Variants in RSRC1 observed in about 807,000 individuals in gnomAD.
RSRC1 encodes the protein arginine and serine rich coiled-coil 1, also known as serine/Arginine-related protein 53.
A neutral mutation model predicts 49.1 loss-of-function variants in RSRC1; 39 were observed. That is an observed-to-expected ratio of 0.79 (90% CI 0.61 to 1.04). The LOEUF (loss-of-function observed/expected upper bound fraction) is 1.04, where lower values mean the gene tolerates loss of function less well. Ranked by LOEUF, RSRC1 falls within the 50% of genes least tolerant of loss-of-function variation. The pLI, the probability that RSRC1 is intolerant of heterozygous loss-of-function variation, is 0.00. For synonymous variants in RSRC1, 143 were observed against 130.8 expected (o/e 1.09, Z -0.63); for missense variants, 388 against 402.4 (o/e 0.96, Z 0.31).
intron 6 of RSRC1, among the ~76,000 whole-genome samples, chr3:158,363,554 C>T (rs754452481): frequency 6.6e-6 from 1 of 152,148 alleles, no homozygotes; most frequent in African/African-American, 2.4e-5. Flanking sequence ...CGTGAGCCAC[C>T]ATGCCCAGCC....
intron 3 of RSRC1, among the ~76,000 whole-genome samples, chr3:158,165,143 A>C (rs1315992296): frequency 6.6e-6 from 1 of 152,222 alleles, no homozygotes; most frequent in African/African-American, 2.4e-5. Context: ...AAAGATATTC[A>C]TCTTAATGAA....
At position 158,406,223 on chromosome 3, in the gene RSRC1, T is replaced by C. The variant is rs141423229; in HGVS notation, c.583+51315T>C. Among the ~76,000 whole-genome samples, 21 of 152,258 alleles carry C rather than the reference T, an allele frequency of 1.4e-4. No individual in the cohort carries two copies. The East Asian group carries it at 4.0e-3, about 29-fold the overall frequency. Reference sequence around the variant, plus strand: ...TTATAAAATTATTTTCTTAAAATGTTCTCACAATTTTTTAACTACTTGAGA... The same window carrying C: ...TTATAAAATTATTTTCTTAAAATGTCCTCACAATTTTTTAACTACTTGAGA... On this transcript the variant is annotated intron_variant, in intron 6 of 9. Transcript: ENST00000611884.
intron 3 of RSRC1, among the ~76,000 whole-genome samples, chr3:158,177,575 A>G (rs1719304609): frequency 6.6e-6 from 1 of 151,432 alleles, no homozygotes; most frequent in Admixed American, 6.6e-5. Flanking sequence ...TCTCACTCAT[A>G]GTTGGAATTG....
intron 4 of RSRC1, among the ~76,000 whole-genome samples, chr3:158,258,002 G>T (rs902926959): frequency 6.6e-6 from 1 of 151,976 alleles, no homozygotes; most frequent in Non-Finnish European, 1.5e-5. Context: ...TTTACTGTCT[G>T]TGAGTTGGAA....
intron 4 of RSRC1, among the ~76,000 whole-genome samples, chr3:158,211,839 T>C (rs1373132658): frequency 1.3e-5 from 2 of 151,942 alleles, no homozygotes; most frequent in Non-Finnish European, 2.9e-5. Context: ...TTATTTTTTA[T>C]TGATAAAACA....
At chr3:158,446,284 G>T (rs1186594395) in intron 6 of RSRC1, among the ~76,000 whole-genome samples, 8 of 151,310 alleles carry the variant, frequency 5.3e-5, no homozygotes, top group African/African-American at 1.2e-4. Flanking sequence ...TTGTTGCAAG[G>T]TTTTTTTTGT....
At chr3:158,361,847 T>C (rs558385150) in intron 6 of RSRC1, among the ~76,000 whole-genome samples, 1 of 152,240 alleles carries the variant, frequency 6.6e-6, no homozygotes, top group Non-Finnish European at 1.5e-5. Context: ...ACTCCAAGGC[T>C]CTTCTAAAAC....
rs1285795162 is a variant in RSRC1 at position 158,543,373 on chromosome 3, A to G, written c.798A>G (p.Thr266=). The G allele has an allele frequency of 6.3e-7, 1 of 1,596,270 alleles. No individual in the cohort carries two copies. The highest frequency in any genetic ancestry group is 8.5e-7 in the Non-Finnish European group (1 of 1,173,234). Reference sequence around the variant, plus strand: ...GTGAAGTGAAACAAGCAACTTCAACATCAGGACCAGCATCAGCAGTTGCTG... The same window carrying G: ...GTGAAGTGAAACAAGCAACTTCAACGTCAGGACCAGCATCAGCAGTTGCTG... The part of the protein sequence containing the change: ...EPSEVKQATS[T]SGPASAVADP... The change falls in exon 9 of 10, where the codon ACA becomes ACG. Residue 266 remains threonine (T), a synonymous_variant. Transcript: ENST00000611884.
chr3:158,293,386 T>G (rs1727054333), intron 4 of RSRC1, among the ~76,000 whole-genome samples: 1 of 152,108 alleles, frequency 6.6e-6, no homozygotes, highest in Non-Finnish European at 1.5e-5. Context: ...CCAGCTTTCT[T>G]TTGGTCCATA....
intron 3 of RSRC1, among the ~76,000 whole-genome samples, chr3:158,161,713 G>C (rs1718230191): frequency 6.6e-6 from 1 of 152,190 alleles, no homozygotes; most frequent in Non-Finnish European, 1.5e-5. Context: ...GGTGAACTGA[G>C]ATCACGCCAC....
At chr3:158,130,420 T>G (rs9290021) in intron 3 of RSRC1, among the ~76,000 whole-genome samples, 4,491 of 152,156 alleles carry the variant, frequency 0.03, 228 homozygotes, top group African/African-American at 0.1. Context: ...TTATTTTCCA[T>G]TTATTTGTTG....
intron 4 of RSRC1, among the ~76,000 whole-genome samples, chr3:158,272,189 C>G: frequency 6.6e-6 from 1 of 152,040 alleles, no homozygotes; most frequent in Non-Finnish European, 1.5e-5. Flanking sequence ...GATTTTTTCC[C>G]TGCACAACTT....
At chr3:158,415,753 A>G (rs1050853288) in intron 6 of RSRC1, among the ~76,000 whole-genome samples, 7 of 152,066 alleles carry the variant, frequency 4.6e-5, no homozygotes, top group African/African-American at 7.2e-5. Context: ...CTGGGACAAG[A>G]TGATGAGCCT....
chr3:158,118,978 CTT>C (rs1317678004), intron 1 of RSRC1, among the ~76,000 whole-genome samples: 1 of 143,672 alleles, frequency 7.0e-6, no homozygotes, highest in African/African-American at 3.0e-5. Flanking sequence ...TAGACTTTAA[CTT>C]AACTTAATCT....
chr3:158,170,773 A>G (rs1313778605), intron 3 of RSRC1, among the ~76,000 whole-genome samples: 1 of 152,072 alleles, frequency 6.6e-6, no homozygotes, highest in Non-Finnish European at 1.5e-5. Flanking sequence ...TTTAGGGGCA[A>G]TTATTGTTTT....
intron 7 of RSRC1, among the ~76,000 whole-genome samples, chr3:158,516,451 T>C (rs1042438664): frequency 1.6e-4 from 25 of 151,736 alleles, no homozygotes; most frequent in African/African-American, 4.3e-4. Flanking sequence ...GCAGTCTGCC[T>C]GTTCTCAGAT....
intron 6 of RSRC1, among the ~76,000 whole-genome samples, chr3:158,422,572 G>T (rs548147738): frequency 3.0e-4 from 45 of 150,732 alleles, no homozygotes; most frequent in African/African-American, 1.0e-3. Flanking sequence ...ATGATTTATC[G>T]TCCTTTGGGT....
At chr3:158,522,620 T>C (rs1188534328) in intron 7 of RSRC1, among the ~76,000 whole-genome samples, 1 of 152,154 alleles carries the variant, frequency 6.6e-6, no homozygotes, top group African/African-American at 2.4e-5. Context: ...GAGATTATAA[T>C]TGCAGATTTC....
In RSRC1 at chr3:158,356,936, G is replaced by A. The variant is rs545469583; in HGVS notation, c.583+2028G>A. 9.2e-5 allele frequency among the ~76,000 whole-genome samples: 14 copies of A among 152,158 alleles called. No homozygotes were observed. The South Asian group carries it at 2.9e-3, about 32-fold the overall frequency. ...GTATAACTTGCTTATATCCATCTGAGTTGTCATCCCTAACATTTAACTTCA... is the reference window on the plus strand; with the variant it reads ...GTATAACTTGCTTATATCCATCTGAATTGTCATCCCTAACATTTAACTTCA... On this transcript the variant is annotated intron_variant, in intron 6 of 9. Coordinates refer to ENST00000611884, the MANE Select transcript of RSRC1 (RefSeq NM_001271838.2).
Sources: allele counts gnomAD v4.1 joint callset (sites outside exome capture counted in the v4.1 genomes callset), GRCh38; gene constraint gnomAD v4.1.1; transcripts MANE v1.5; gene names NCBI Gene and HGNC (gene_info 2026-07-23, HGNC 2026-07-21).